VPS37A: variants seen among roughly 807,000 people sequenced by gnomAD.
VPS37A encodes the protein vacuolar protein sorting-associated protein 37A.
VPS37A carries 30 observed loss-of-function variants against 49.8 expected under a neutral mutation model. The observed-to-expected ratio is 0.60, with a 90% CI of 0.45 to 0.82. The LOEUF (loss-of-function observed/expected upper bound fraction) is 0.82, where lower values mean the gene tolerates loss of function less well. Ranked by LOEUF, VPS37A falls within the 40% of genes least tolerant of loss-of-function variation. VPS37A has a pLI of 0.00. For missense variants in VPS37A, 593 were observed against 464.4 expected, an observed-to-expected ratio of 1.28 and a Z score of -2.55; for synonymous variants, 195 against 160.6, an observed-to-expected ratio of 1.21 and a Z score of -1.62.
At chr8:17,306,598 C>G (rs1018427070), downstream of VPS37A, among the ~76,000 whole-genome samples, 3 of 152,142 alleles carry the variant, frequency 2.0e-5, no homozygotes, top group African/African-American at 2.4e-5. Flanking sequence ...TAGCCCTTTA[C>G]ACTACTGTGT....
rs1430610500 is a variant in VPS37A, at chr8:17,284,563, G to C, written c.1060G>C (p.Glu354Gln). 1.9e-6 allele frequency: 3 copies of C among 1,601,534 alleles called. No homozygotes were observed. The highest frequency in any genetic ancestry group is 1.7e-6 in the Non-Finnish European group (2 of 1,175,864). The change falls in exon 10 of 12, where the codon GAG (glutamate) becomes CAG (glutamine). Residue 354 changes from glutamate to glutamine, a missense_variant. Transcript: ENST00000324849. ...TGATAATATTGCAGAAGACTTCTTGGAGGGAAAGATGGAAATAGATGATTT... is the reference window on the plus strand; with the variant it reads ...TGATAATATTGCAGAAGACTTCTTGCAGGGAAAGATGGAAATAGATGATTT... ...ESDNIAEDFL[E>Q]GKMEIDDFLS...
At chr8:17,253,803 G>T (rs776502172) in intron 1 of VPS37A, among the ~76,000 whole-genome samples, 1 of 152,096 alleles carries the variant, frequency 6.6e-6, no homozygotes, top group African/African-American at 2.4e-5. Flanking sequence ...CACAGATTTC[G>T]AAAACAAACA....
chr8:17,282,489 T>C (rs1211797211), intron 9 of VPS37A, among the ~76,000 whole-genome samples: 1 of 151,996 alleles, frequency 6.6e-6, no homozygotes, highest in Non-Finnish European at 1.5e-5. Context: ...ACTCGACATA[T>C]TTACCTCTAC....
chr8:17,275,002 C>T, intron 5 of VPS37A, 44 bp downstream of exon 5: 1 of 1,547,006 alleles, frequency 6.5e-7, no homozygotes. Context: ...CTGAAACATT[C>T]ATTCAATCCA....
At chr8:17,319,922 A>G in the VPS37A span, among the ~76,000 whole-genome samples, 1 of 152,190 alleles carries the variant, frequency 6.6e-6, no homozygotes, top group African/African-American at 2.4e-5. Context: ...AGGACTCACT[A>G]GTCACATGTG....
the VPS37A span, among the ~76,000 whole-genome samples, chr8:17,320,287 C>G: frequency 2.6e-5 from 4 of 152,240 alleles, no homozygotes; most frequent in Admixed American, 2.0e-4. Context: ...TGAATCTGAT[C>G]AAAAGTCTTC....
intron 9 of VPS37A, 101 bp downstream of exon 9, chr8:17,280,544 A>G: frequency 9.1e-7 from 1 of 1,102,538 alleles, no homozygotes; most frequent in Non-Finnish European, 1.3e-6. Flanking sequence ...ACCATTTATG[A>G]GGTATCTGAC....
chr8:17,260,393 T>G (rs1399707248), intron 1 of VPS37A, among the ~76,000 whole-genome samples: 1 of 152,138 alleles, frequency 6.6e-6, no homozygotes, highest in Non-Finnish European at 1.5e-5. Context: ...AATTTACAGA[T>G]TTTTATATTA....
downstream of VPS37A, chr8:17,302,103 T>C: frequency 6.2e-7 from 1 of 1,609,642 alleles, no homozygotes. Context: ...GAAGCCTTGC[T>C]CTTCAAGAAA....
At position 17,296,753 on chromosome 8, in the gene VPS37A, A is replaced by T. The variant is rs1710968125; in HGVS notation, c.*1767A>T. The T allele has an allele frequency of 6.6e-6, 1 of 152,162 alleles. No individual in the cohort carries two copies. The highest frequency in any genetic ancestry group is 2.1e-4 in the South Asian group (1 of 4,828). The allele number at this position is 152,162 out of a possible 1,614,324, so 9.4% of individuals were successfully genotyped here. On this transcript the variant is annotated 3_prime_UTR_variant, in exon 12 of 12. Coordinates refer to ENST00000324849, the MANE Select transcript of VPS37A (RefSeq NM_152415.3). ...CCAGAAAAACAGAAAAAAAAGAAAC[A>T]TTTTCTTACAGAGTAAAAATGTTCT...
At chr8:17,283,717 A>G (rs551336875) in intron 9 of VPS37A, among the ~76,000 whole-genome samples, 1 of 152,190 alleles carries the variant, frequency 6.6e-6, no homozygotes, top group African/African-American at 2.4e-5. Context: ...TTATGTTTTT[A>G]TGCCAGTACC....
chr8:17,276,721 T>C (rs1814550607), intron 6 of VPS37A, among the ~76,000 whole-genome samples: 1 of 152,162 alleles, frequency 6.6e-6, no homozygotes, highest in Non-Finnish European at 1.5e-5. Flanking sequence ...CAAAATCCTT[T>C]CTGTCATGTG....
chr8:17,308,476 A>C, the VPS37A span, among the ~76,000 whole-genome samples: 5 of 152,342 alleles, frequency 3.3e-5, no homozygotes, highest in Non-Finnish European at 7.3e-5. Flanking sequence ...CTAAAAGCAA[A>C]AAACTACAAA....
At chr8:17,279,694 G>A (rs1228148590) in intron 6 of VPS37A, 1 of 419,630 alleles carries the variant, frequency 2.4e-6, no homozygotes, top group South Asian at 1.8e-5. Flanking sequence ...CTTTACCTGA[G>A]TTAAGTTGAC....
chr8:17,247,147 C>T lies in VPS37A; in HGVS notation c.-98C>T. On this transcript the variant is annotated 5_prime_UTR_variant, in exon 1 of 12. Transcript: ENST00000324849. ...CCCCAGCGCTTGGGCCACGGACGTCCCACCCCGCTCCTCTGTCGCTGGAGA... is the reference window on the plus strand; with the variant it reads ...CCCCAGCGCTTGGGCCACGGACGTCTCACCCCGCTCCTCTGTCGCTGGAGA... 1 of 1,511,582 alleles carries T rather than the reference C, an allele frequency of 6.6e-7. No homozygotes were observed. The highest frequency in any genetic ancestry group is 1.2e-5 in the South Asian group (1 of 83,030). The allele number at this position is 1,511,582 out of a possible 1,614,324, so 93.6% of individuals were successfully genotyped here. A position where few individuals can be genotyped will look rare whatever the true frequency, so the allele number is the denominator to read the frequency against.
At chr8:17,264,851 G>A (rs1426599693) in intron 1 of VPS37A, among the ~76,000 whole-genome samples, 2 of 152,128 alleles carry the variant, frequency 1.3e-5, no homozygotes, top group Admixed American at 6.5e-5. Flanking sequence ...ATATTGGTTA[G>A]AATTTCAAGT....
chr8:17,261,433 A>G (rs1177948528), intron 1 of VPS37A, among the ~76,000 whole-genome samples: 1 of 152,182 alleles, frequency 6.6e-6, no homozygotes, highest in Non-Finnish European at 1.5e-5. Context: ...TCTTGTTCAG[A>G]GAGCTTACAT....
At chr8:17,321,286 G>A in the VPS37A span, among the ~76,000 whole-genome samples, 28 of 152,326 alleles carry the variant, frequency 1.8e-4, no homozygotes, top group African/African-American at 6.7e-4. Flanking sequence ...GCCCTAGAAT[G>A]TCCTGCCAGA....
chr8:17,324,014 A>T, the VPS37A span, among the ~76,000 whole-genome samples: 1 of 152,200 alleles, frequency 6.6e-6, no homozygotes, highest in Admixed American at 6.5e-5. Context: ...CTCTCATTAA[A>T]TAACCTTCTT....
Sources: allele counts gnomAD v4.1 joint callset (sites outside exome capture counted in the v4.1 genomes callset), GRCh38; gene constraint gnomAD v4.1.1; transcripts MANE v1.5; gene names NCBI Gene and HGNC (gene_info 2026-07-23, HGNC 2026-07-21).